ERBB4: variants seen among roughly 807,000 people sequenced by gnomAD.
ERBB4 encodes erb-b2 receptor tyrosine kinase 4, also known as receptor tyrosine-protein kinase erbB-4.
A neutral mutation model predicts 158.0 loss-of-function variants in ERBB4; 42 were observed. The observed-to-expected ratio is 0.27, with a 90% CI of 0.21 to 0.34. ERBB4 has a LOEUF of 0.34. ERBB4 is among the 10% of genes least tolerant of loss of function. The pLI is 1.00. For missense variants in ERBB4, 1,333 were observed against 1,624.1 expected (o/e 0.82, Z 3.08); for synonymous variants, 583 against 558.7 (o/e 1.04, Z -0.61).
chr2:211,467,889 A>G (rs1332316251), intron 20 of ERBB4, among the ~76,000 whole-genome samples: 3 of 152,188 alleles, frequency 2.0e-5, no homozygotes, highest in African/African-American at 7.2e-5. Context: ...ATGCAGGGAA[A>G]TTGGGCCAAT....
At chr2:212,012,704 T>C (rs570311399) in intron 2 of ERBB4, among the ~76,000 whole-genome samples, 4 of 152,220 alleles carry the variant, frequency 2.6e-5, no homozygotes, top group African/African-American at 9.6e-5. Flanking sequence ...TGAGCCACCA[T>C]GCCCAAACTT....
At chr2:212,255,703 G>A (rs1485809812) in intron 1 of ERBB4, among the ~76,000 whole-genome samples, 1 of 152,090 alleles carries the variant, frequency 6.6e-6, no homozygotes, top group East Asian at 1.9e-4. Flanking sequence ...CATTTCCTTT[G>A]AATGTCACAT....
chr2:211,454,952 C>T (rs1022578179), intron 20 of ERBB4, among the ~76,000 whole-genome samples: 13 of 152,172 alleles, frequency 8.5e-5, no homozygotes, highest in Admixed American at 1.3e-4. Context: ...TATTGCCTGG[C>T]GAGTTTTAAA....
intron 3 of ERBB4, among the ~76,000 whole-genome samples, chr2:211,837,497 C>G (rs2077367724): frequency 6.6e-6 from 1 of 152,056 alleles, no homozygotes; most frequent in South Asian, 2.1e-4. Flanking sequence ...TTGTTTAACA[C>G]AGACATGTAT....
intron 25 of ERBB4, among the ~76,000 whole-genome samples, chr2:211,413,160 G>C (rs1176227912): frequency 1.3e-5 from 2 of 150,740 alleles, no homozygotes; most frequent in South Asian, 2.1e-4. Context: ...TAAATTACCC[G>C]GGCATGGCAG....
At chr2:211,395,156 T>C (rs1265532318) in intron 25 of ERBB4, among the ~76,000 whole-genome samples, 1 of 152,128 alleles carries the variant, frequency 6.6e-6, no homozygotes, top group Non-Finnish European at 1.5e-5. Context: ...TCGCTTTTTC[T>C]TTCCTTTTTA....
intron 1 of ERBB4, among the ~76,000 whole-genome samples, chr2:212,444,453 G>T (rs2092311644): frequency 6.6e-6 from 1 of 152,204 alleles, no homozygotes; most frequent in Admixed American, 6.5e-5. Flanking sequence ...TAGAAAATTG[G>T]TGACAAAGAA....
At chr2:211,527,886 A>G (rs6722908) in intron 20 of ERBB4, among the ~76,000 whole-genome samples, 28,925 of 152,014 alleles carry the variant, frequency 0.19, 3,297 homozygotes, top group Middle Eastern at 0.26. Flanking sequence ...AAAGCAAGAA[A>G]CTAAGTCCTC....
chr2:212,535,815 CTCT>C (rs954430029), intron 1 of ERBB4, among the ~76,000 whole-genome samples: 2 of 152,160 alleles, frequency 1.3e-5, no homozygotes, highest in African/African-American at 4.8e-5. Flanking sequence ...AAAAGAGGTT[CTCT>C]TCTGTTACAA....
intron 1 of ERBB4, among the ~76,000 whole-genome samples, chr2:212,372,749 A>G (rs1268657640): frequency 6.6e-6 from 1 of 152,176 alleles, no homozygotes; most frequent in Non-Finnish European, 1.5e-5. Context: ...ACTCCGTCTC[A>G]AAACAAAAAC....
intron 3 of ERBB4, among the ~76,000 whole-genome samples, chr2:211,896,593 A>C (rs528009616): frequency 4.6e-5 from 7 of 152,266 alleles, no homozygotes; most frequent in South Asian, 2.1e-4. Context: ...GCAGCATAAA[A>C]TAATCTTTTT....
intron 1 of ERBB4, among the ~76,000 whole-genome samples, chr2:212,231,772 GT>G (rs2083673917): frequency 6.6e-6 from 1 of 152,100 alleles, no homozygotes; most frequent in South Asian, 2.1e-4. Context: ...CAATATGCAT[GT>G]ATTTATTTTG....
intron 19 of ERBB4, among the ~76,000 whole-genome samples, chr2:211,608,094 TAC>T (rs1212362634): frequency 6.6e-6 from 1 of 152,044 alleles, no homozygotes; most frequent in Non-Finnish European, 1.5e-5. Context: ...AAGAAAGTTA[TAC>T]ACAGTTTGAT....
At chr2:211,835,111 C>G (rs1315482150) in intron 3 of ERBB4, among the ~76,000 whole-genome samples, 2 of 150,054 alleles carry the variant, frequency 1.3e-5, no homozygotes, top group African/African-American at 4.9e-5. Context: ...ATTAAAGTTG[C>G]AAAGGCTAAT....
chr2:212,538,673 C>G lies in ERBB4; in HGVS notation c.-143G>C. The stretch of plus-strand genomic sequence containing the variant: ...CGCGGCGCGCGCGGTGTGGCGACTC[C>G]CAGGGCGGGCGACCGAGTCCGCGCC... On this transcript the variant is annotated 5_prime_UTR_variant, in exon 1 of 28. Transcript: ENST00000342788. 1 of 665,304 alleles carries G rather than the reference C, an allele frequency of 1.5e-6. No individual in the cohort carries two copies. The highest frequency in any genetic ancestry group is 2.3e-6 in the Non-Finnish European group (1 of 428,900). The allele number at this position is 665,304 out of a possible 1,614,324, so 41.2% of individuals were successfully genotyped here. A position where few individuals can be genotyped will look rare whatever the true frequency, so the allele number is the denominator to read the frequency against.
chr2:211,719,329 T>C (rs1386565479), intron 7 of ERBB4, among the ~76,000 whole-genome samples: 1 of 152,180 alleles, frequency 6.6e-6, no homozygotes, highest in African/African-American at 2.4e-5. Flanking sequence ...AGTTTACTGA[T>C]GGACTCTGAA....
At chr2:211,900,260 T>C (rs1228740086) in intron 3 of ERBB4, among the ~76,000 whole-genome samples, 1 of 152,120 alleles carries the variant, frequency 6.6e-6, no homozygotes, top group Non-Finnish European at 1.5e-5. Context: ...TAACAGGGAC[T>C]TCTGAGCGTA....
chr2:212,160,876 G>C (rs2081183678), intron 1 of ERBB4, among the ~76,000 whole-genome samples: 1 of 152,102 alleles, frequency 6.6e-6, no homozygotes, highest in East Asian at 1.9e-4. Context: ...TGGGGAAGGG[G>C]AAGCGCTTGA....
At chr2:211,918,047 G>A (rs1046592279) in intron 3 of ERBB4, among the ~76,000 whole-genome samples, 3 of 152,186 alleles carry the variant, frequency 2.0e-5, no homozygotes, top group Non-Finnish European at 1.5e-5. Flanking sequence ...AACTTTGAAA[G>A]TCAAGATGAA....
Sources: gnomAD v4.1 joint callset for allele counts (sites outside exome capture counted in the v4.1 genomes callset) on GRCh38, gnomAD v4.1.1 for gene constraint, MANE v1.5 for transcripts, NCBI Gene and HGNC (gene_info 2026-07-23, HGNC 2026-07-21) for gene names.